GPR85: variants seen among roughly 807,000 people sequenced by gnomAD.
The protein encoded by GPR85 is G protein-coupled receptor 85, also known as probable G protein-coupled receptor 85.
GPR85 carries 7 observed loss-of-function variants against 21.3 expected under a neutral mutation model. That is an observed-to-expected ratio of 0.33 (90% confidence interval 0.19 to 0.62). The LOEUF (loss-of-function observed/expected upper bound fraction) is 0.62, where lower values mean the gene tolerates loss of function less well. Ranked by LOEUF, GPR85 falls within the 20% of genes least tolerant of loss-of-function variation. The probability of loss-of-function intolerance (pLI) is 0.80; values close to 1 mark genes in which losing one functional copy is unlikely to be tolerated. For missense variants in GPR85, 299 were observed against 443.8 expected (o/e 0.67, Z 2.93); for synonymous variants, 167 against 166.1 (o/e 1.01, Z -0.04).
rs1414402156 is a variant in GPR85 at position 113,086,431 on chromosome 7, T to TTTTTTTTTTTTTTTTTTTG, written c.-399_-398insCAAAAAAAAAAAAAAAAAA. 15 of 108,244 alleles carry TTTTTTTTTTTTTTTTTTTG rather than the reference T, an allele frequency of 1.4e-4. 1 individual carries two copies. The highest frequency in any genetic ancestry group is 2.2e-4 in the African/African-American group (6 of 27,702). The allele number at this position is 108,244 out of a possible 1,614,324, so 6.7% of individuals were successfully genotyped here. A position where few individuals can be genotyped will look rare whatever the true frequency, so the allele number is the denominator to read the frequency against. The stretch of plus-strand genomic sequence containing the variant: ...TTTTTTTTTTTGTTTTTTGTTTTTT[T>TTTTTTTTTTTTTTTTTTTG]TTTTTTTTTTTTTGCCTTAGTGCCT... On this transcript the variant is annotated 5_prime_UTR_variant, in exon 1 of 3. An upstream open reading frame in the 5' UTR loses its in-frame stop. Transcript: ENST00000424100.
At position 113,086,003 on chromosome 7, in the gene GPR85, G is replaced by T. The variant is rs1390258939; in HGVS notation, c.-182C>A. The stretch of plus-strand genomic sequence containing the variant: ...CATGCATTACATACGCGAAGATGGG[G>T]AGAGAGATTGCTTCTGTGCTGCAAA... On this transcript the variant is annotated 5_prime_UTR_variant, in exon 2 of 3. Transcript: ENST00000424100. The T allele has an allele frequency of 6.6e-6, 1 of 152,622 alleles. No homozygotes were observed. Among genetic ancestry groups the T allele is most frequent in the Non-Finnish European group, 1.5e-5 (1 of 68,068 alleles). The allele number at this position is 152,622 out of a possible 1,614,324, so 9.5% of individuals were successfully genotyped here. A position where few individuals can be genotyped will look rare whatever the true frequency, so the allele number is the denominator to read the frequency against.
At chr7:113,087,293 A>T (rs1159987089), upstream of GPR85, 1 of 153,680 alleles carries the variant, frequency 6.5e-6, no homozygotes, top group Admixed American at 6.5e-5. Context: ...CCACCCCACC[A>T]AGCAACAGTA....
intron 2 of GPR85, among the ~76,000 whole-genome samples, chr7:113,085,759 C>T (rs916398977): frequency 5.3e-5 from 8 of 152,166 alleles, no homozygotes; most frequent in African/African-American, 1.9e-4. Context: ...AATCGGCTTC[C>T]TCTGTTATTC....
chr7:113,084,473 A>C lies in GPR85; in HGVS notation c.249T>G (p.Asn83Lys). The change falls in exon 3 of 3, where the codon AAT becomes AAG. Residue 83 changes from asparagine (N) to lysine (K), a missense_variant. Around this residue, in one of 2 missense-constraint regions of GPR85, gnomAD observed 101 missense variants for 108.4 expected, o/e 0.93. Coordinates refer to ENST00000424100, the MANE Select transcript of GPR85 (RefSeq NM_001146267.2). ...GAGTCCCATAAGTCCAGGTAGAACC[A>C]TTTTTGACAGAGTTGAACACAAATG... ...CFPFVFNSVK[N>K]GSTWTYGTLT... The C allele has an allele frequency of 6.2e-7, 1 of 1,614,052 alleles. No individual in the cohort carries two copies. Among genetic ancestry groups the C allele is most frequent in the Non-Finnish European group, 8.5e-7 (1 of 1,179,904 alleles).
rs1562994776 is a variant in GPR85 at position 113,083,268 on chromosome 7, A to G, written c.*341T>C. ...TAATTTATTAAGATGTCCAATGCTA[A>G]TTGTTTTTTGATGTTTTTTCATATG... is the stretch of plus-strand genomic sequence containing the variant. On this transcript the variant is annotated 3_prime_UTR_variant, in exon 3 of 3. Transcript: ENST00000424100. This position sits in a 1 kb window ranked among gnomAD's most constrained non-coding sequence, Gnocchi z 4.4. The G allele has an allele frequency of 5.1e-6, 1 of 194,916 alleles. No individual in the cohort carries two copies. Among genetic ancestry groups the G allele is most frequent in the Non-Finnish European group, 1.0e-5 (1 of 96,242 alleles). The allele number at this position is 194,916 out of a possible 1,614,324, so 12.1% of individuals were successfully genotyped here.
rs1794287440 is a variant in GPR85, at chr7:113,086,399, T to TTTC, written c.-367_-366insGAA. 2.9e-5 allele frequency: 1 copy of TTTC among 35,026 alleles called. No individual in the cohort carries two copies. The highest frequency in any genetic ancestry group is 9.0e-5 in the African/African-American group (1 of 11,084). The allele number at this position is 35,026 out of a possible 1,614,324, so 2.2% of individuals were successfully genotyped here. A position where few individuals can be genotyped will look rare whatever the true frequency, so the allele number is the denominator to read the frequency against. ...ATTTTTTTCTTTTTTTCTTTTTCTTTTTTTTTTTTTTTTTTTTGTTTTTTG... is the reference window on the plus strand; with the variant it reads ...ATTTTTTTCTTTTTTTCTTTTTCTTTTTCTTTTTTTTTTTTTTTTTGTTTTTTG... On this transcript the variant is annotated 5_prime_UTR_variant, in exon 1 of 3. Coordinates refer to ENST00000424100, the MANE Select transcript of GPR85 (RefSeq NM_001146267.2).
In GPR85 at chr7:113,086,396, C is replaced by CTTTTTTTTTTTTTTTTTGT. The variant is rs1794283401; in HGVS notation, c.-364_-363insACAAAAAAAAAAAAAAAAA. Reference sequence around the variant, plus strand: ...CTGATTTTTTTCTTTTTTTCTTTTTCTTTTTTTTTTTTTTTTTTTTGTTTT... The same window carrying CTTTTTTTTTTTTTTTTTGT: ...CTGATTTTTTTCTTTTTTTCTTTTTCTTTTTTTTTTTTTTTTTGTTTTTTTTTTTTTTTTTTTTTGTTTT... On this transcript the variant is annotated 5_prime_UTR_variant, in exon 1 of 3. It removes the in-frame stop codon of an upstream open reading frame in the 5' UTR. Coordinates refer to ENST00000424100, the MANE Select transcript of GPR85 (RefSeq NM_001146267.2). 1 of 48,066 alleles carries CTTTTTTTTTTTTTTTTTGT rather than the reference C, an allele frequency of 2.1e-5. No homozygotes were observed. Among genetic ancestry groups the CTTTTTTTTTTTTTTTTTGT allele is most frequent in the Non-Finnish European group, 3.6e-5 (1 of 28,132 alleles). 3.0% of individuals were successfully genotyped at this position (48,066 alleles called of 1,614,324 possible).
chr7:113,084,439 T>C lies in GPR85; in HGVS notation c.283A>G (p.Lys95Glu). 2 of 1,614,108 alleles carry C rather than the reference T, an allele frequency of 1.2e-6. No homozygotes were observed. ...AAAACCCCCAGAAAGGCAATCACTT[T>C]GCAAGTCAGAGTCCCATAAGTCCAG... ...STWTYGTLTC[K>E]VIAFLGVLSC... is the part of the protein sequence containing the mutation. The change falls in exon 3 of 3, where the codon AAA becomes GAA. Residue 95 changes from lysine (K) to glutamate (E), a missense_variant. Transcript: ENST00000424100.
chr7:113,085,380 A>G (rs1033555922), intron 2 of GPR85, among the ~76,000 whole-genome samples: 1 of 152,226 alleles, frequency 6.6e-6, no homozygotes, highest in Non-Finnish European at 1.5e-5. Flanking sequence ...TTGTTGATTC[A>G]TCTTAAAGCA....
rs1265733840 is a variant in GPR85 at position 113,083,096 on chromosome 7, A to G, written c.*513T>C. ...GCGGTTTTTAAAGTGTGATATTCCAATAATTCATTGGCACGTCTTTAGTGG... is the reference window on the plus strand; with the variant it reads ...GCGGTTTTTAAAGTGTGATATTCCAGTAATTCATTGGCACGTCTTTAGTGG... On this transcript the variant is annotated 3_prime_UTR_variant, in exon 3 of 3. Transcript: ENST00000424100. This position sits in a 1 kb window ranked among gnomAD's most constrained non-coding sequence, Gnocchi z 4.4. 1 of 153,006 alleles carries G rather than the reference A, an allele frequency of 6.5e-6. No homozygotes were observed. Among genetic ancestry groups the G allele is most frequent in the Non-Finnish European group, 1.5e-5 (1 of 68,324 alleles). 9.5% of individuals were successfully genotyped at this position (153,006 alleles called of 1,614,324 possible). A position where few individuals can be genotyped will look rare whatever the true frequency, so the allele number is the denominator to read the frequency against.
At position 113,084,782 on chromosome 7, in the gene GPR85, A is replaced by G. The variant is rs1162279873; in HGVS notation, c.-61T>C. 40 of 1,185,792 alleles carry G rather than the reference A, an allele frequency of 3.4e-5. No individual in the cohort carries two copies. Among genetic ancestry groups the G allele is most frequent in the Non-Finnish European group, 4.8e-5 (40 of 832,844 alleles). 73.5% of individuals were successfully genotyped at this position (1,185,792 alleles called of 1,614,324 possible). The stretch of plus-strand genomic sequence containing the variant: ...GTCTCATGATCTAGATATAAGAACA[A>G]GGAAAAGATAGATCCATACATTTTA... On this transcript the variant is annotated 5_prime_UTR_variant, in exon 3 of 3. Transcript: ENST00000424100.
rs1480840061 is a variant in GPR85 at position 113,086,640 on chromosome 7, C to A, written c.-607G>T. 6.6e-6 allele frequency among the ~76,000 whole-genome samples: 1 copy of A among 151,408 alleles called. No individual in the cohort carries two copies. Among genetic ancestry groups the A allele is most frequent in the Non-Finnish European group, 1.5e-5 (1 of 67,880 alleles). On this transcript the variant is annotated 5_prime_UTR_variant, in exon 1 of 3. Coordinates refer to ENST00000424100, the MANE Select transcript of GPR85 (RefSeq NM_001146267.2). ...CAGCCTCTGTGGAACCAGCAGGAACCCCTACCTGACTCCAGAGCTGGCTGG... is the reference window on the plus strand; with the variant it reads ...CAGCCTCTGTGGAACCAGCAGGAACACCTACCTGACTCCAGAGCTGGCTGG...
chr7:113,084,717 G>T lies in GPR85; in HGVS notation c.5C>A (p.Ala2Glu), dbSNP rs750940166. The T allele has an allele frequency of 1.9e-6, 3 of 1,608,496 alleles. No individual in the cohort carries two copies. The highest frequency in any genetic ancestry group is 2.6e-6 in the Non-Finnish European group (3 of 1,176,450). ...GTTGTCAGCTGCATGGCTATAGTTC[G>T]CCATAGATGGATGGAGGATAAGGAT... Reference protein sequence around the residue: MANYSHAADNIL... With the variant: MENYSHAADNIL... The change falls in exon 3 of 3, where the codon GCG (alanine) becomes GAG (glutamate). Residue 2 changes from alanine (A) to glutamate (E), a missense_variant. Around this residue, in one of 2 missense-constraint regions of GPR85, gnomAD observed 101 missense variants for 108.4 expected, o/e 0.93. Transcript: ENST00000424100.
At position 113,083,839 on chromosome 7, in the gene GPR85, G is replaced by C; in HGVS notation, c.883C>G (p.Leu295Val). 1 of 1,614,200 alleles carries C rather than the reference G, an allele frequency of 6.2e-7. No homozygotes were observed. Among genetic ancestry groups the C allele is most frequent in the Non-Finnish European group, 8.5e-7 (1 of 1,180,042 alleles). ...RMFYIMTFLF[L>V]TLWGPYLVAC... ...ACCAGGTAGGGGCCCCACAAGGTTA[G>C]AAACAGAAAAGTCATTATATAGAAC... The change falls in exon 3 of 3, where the codon CTA becomes GTA. Residue 295 changes from leucine to valine, a missense_variant. By Grantham distance (32) the Leu-to-Val change is conservative. This residue lies in a region of GPR85 where 198 missense variants were observed against 335.4 expected (regional missense o/e 0.59). Coordinates refer to ENST00000424100, the MANE Select transcript of GPR85 (RefSeq NM_001146267.2). This position sits in a 1 kb window ranked among gnomAD's most constrained non-coding sequence, Gnocchi z 4.4.
Position 113,083,393 on chromosome 7 carries a change from C to T in GPR85, c.*216G>A, listed in dbSNP as rs56320353. On this transcript the variant is annotated 3_prime_UTR_variant, in exon 3 of 3. Transcript: ENST00000424100. This position sits in a 1 kb window ranked among gnomAD's most constrained non-coding sequence, Gnocchi z 4.4. Reference sequence around the variant, plus strand: ...GAAACTTAGGGCAGTGGTTCAGTCCCTTCTTAATTACAAACCTTTGCTGGC... The same window carrying T: ...GAAACTTAGGGCAGTGGTTCAGTCCTTTCTTAATTACAAACCTTTGCTGGC... The T allele has an allele frequency of 0.014, 7,619 of 539,658 alleles. 77 individuals are homozygous for T. The highest frequency in any genetic ancestry group is 0.02 in the Non-Finnish European group (6,030 of 307,496). The allele number at this position is 539,658 out of a possible 1,614,324, so 33.4% of individuals were successfully genotyped here.
rs987455052 is a variant in GPR85, at chr7:113,083,070, G to A, written c.*539C>T. The A allele has an allele frequency of 6.5e-6, 1 of 152,854 alleles. No homozygotes were observed. The highest frequency in any genetic ancestry group is 1.5e-5 in the Non-Finnish European group (1 of 68,260). The allele number at this position is 152,854 out of a possible 1,614,324, so 9.5% of individuals were successfully genotyped here. A position where few individuals can be genotyped will look rare whatever the true frequency, so the allele number is the denominator to read the frequency against. ...TTGGAATGCTCCCCAGAACTTACAA[G>A]GCGGTTTTTAAAGTGTGATATTCCA... is the stretch of plus-strand genomic sequence containing the variant. On this transcript the variant is annotated 3_prime_UTR_variant, in exon 3 of 3. Transcript: ENST00000424100. The surrounding 1 kb of genome is among the most constrained non-coding windows in gnomAD (Gnocchi z 4.4).
At position 113,084,910 on chromosome 7, in the gene GPR85, A is replaced by AC. The variant is rs971483623; in HGVS notation, c.-170-20_-170-19insG. The AC allele has an allele frequency of 1.3e-5, 7 of 541,622 alleles. No individual in the cohort carries two copies. Among genetic ancestry groups the AC allele is most frequent in the Non-Finnish European group, 2.3e-5 (7 of 303,276 alleles). The allele number at this position is 541,622 out of a possible 1,614,324, so 33.6% of individuals were successfully genotyped here. On this transcript the variant is annotated intron_variant, in intron 2 of 2. Coordinates refer to ENST00000424100, the MANE Select transcript of GPR85 (RefSeq NM_001146267.2). ...AGAATATCTGAAAAAAAAAAAAAAA[A>AC]AAACCTATCAGTTCTTAAGTTAACA...
chr7:113,083,432 A>G lies in GPR85; in HGVS notation c.*177T>C. 1 of 617,458 alleles carries G rather than the reference A, an allele frequency of 1.6e-6. No homozygotes were observed. The highest frequency in any genetic ancestry group is 2.8e-6 in the Non-Finnish European group (1 of 355,560). 38.2% of individuals were successfully genotyped at this position (617,458 alleles called of 1,614,324 possible). On this transcript the variant is annotated 3_prime_UTR_variant, in exon 3 of 3. Transcript: ENST00000424100. This position sits in a 1 kb window ranked among gnomAD's most constrained non-coding sequence, Gnocchi z 4.4. ...ACCTTTGCTGGCAGTCAGCAGGATC[A>G]CTCTGAGATTTAAAATAGGATTATA...
Position 113,083,521 on chromosome 7 carries a change from GAA to G in GPR85, c.*86_*87del. ...CCTTAAAACTGCTGATTCCATTCTT[GAA>G]TTTCTTCTCAAAATATGGCTATGGG... On this transcript the variant is annotated 3_prime_UTR_variant, in exon 3 of 3. Transcript: ENST00000424100. This position sits in a 1 kb window ranked among gnomAD's most constrained non-coding sequence, Gnocchi z 4.4. 8.2e-7 allele frequency: 1 copy of G among 1,217,340 alleles called. No individual in the cohort carries two copies. The highest frequency in any genetic ancestry group is 1.2e-6 in the Non-Finnish European group (1 of 861,036). The allele number at this position is 1,217,340 out of a possible 1,614,324, so 75.4% of individuals were successfully genotyped here.
Sources: gnomAD v4.1 joint callset for allele counts (sites outside exome capture counted in the v4.1 genomes callset) on GRCh38, gnomAD v4.1.1 for gene constraint, gnomAD v4.1.1 regional missense constraint, Gnocchi (gnomAD v3.1) non-coding constraint, MANE v1.5 for transcripts, NCBI Gene and HGNC (gene_info 2026-07-23, HGNC 2026-07-21) for gene names.